Variants in ZNF469 observed in about 807,000 individuals in gnomAD.
The protein encoded by ZNF469 is zinc finger protein 469.
ZNF469 carries 1 observed loss-of-function variant against 1.0 expected under a neutral mutation model. The observed-to-expected ratio is 1.00, with a 90% CI of 0.35 to 4.73. The LOEUF is 4.73. ZNF469 is among the 30% of genes most tolerant of loss of function. The pLI, the probability that ZNF469 is intolerant of heterozygous loss-of-function variation, is 0.16. For missense variants in ZNF469, 6,100 were observed against 5,356.3 expected, an observed-to-expected ratio of 1.14 and a Z score of -4.33; for synonymous variants, 2,703 against 2,363.4, an observed-to-expected ratio of 1.14 and a Z score of -4.17.
chr16:88,247,789 G>C, the ZNF469 span, among the ~76,000 whole-genome samples: 1 of 151,898 alleles, frequency 6.6e-6, no homozygotes, highest in Non-Finnish European at 1.5e-5. Flanking sequence ...GAGGGAGTGA[G>C]TAAATGAGTG....
intron 1 of ZNF469, among the ~76,000 whole-genome samples, chr16:88,423,770 T>A (rs1374601664): frequency 6.6e-6 from 1 of 152,188 alleles, no homozygotes; most frequent in African/African-American, 2.4e-5. Flanking sequence ...ACGGGGCTGC[T>A]TGAGTGCCCG....
At chr16:88,306,285 C>T in the ZNF469 span, among the ~76,000 whole-genome samples, 1 of 152,286 alleles carries the variant, frequency 6.6e-6, no homozygotes, top group African/African-American at 2.4e-5. Context: ...ATGGCAGGTG[C>T]TGTCCGCATC....
the ZNF469 span, among the ~76,000 whole-genome samples, chr16:88,360,518 C>G: frequency 7.1e-6 from 1 of 141,654 alleles, no homozygotes; most frequent in Admixed American, 7.0e-5. Flanking sequence ...AGTCCACCCC[C>G]AGACAGCGCC....
the ZNF469 span, chr16:88,194,349 CT>C: frequency 2.6e-5 from 4 of 152,356 alleles, no homozygotes; most frequent in African/African-American, 9.6e-5. Context: ...TGGGACACCC[CT>C]GAGCTTTGTC....
chr16:88,102,884 C>T, the ZNF469 span, among the ~76,000 whole-genome samples: 4 of 152,250 alleles, frequency 2.6e-5, no homozygotes, highest in East Asian at 5.8e-4. Context: ...TGTGGTGACA[C>T]GTGGCAGAAT....
chr16:88,296,404 G>A, the ZNF469 span, among the ~76,000 whole-genome samples: 1 of 150,904 alleles, frequency 6.6e-6, no homozygotes, highest in African/African-American at 2.4e-5. Context: ...AGACACATAT[G>A]TGCACACCCA....
the ZNF469 span, among the ~76,000 whole-genome samples, chr16:88,357,095 G>A: frequency 6.6e-6 from 1 of 152,220 alleles, no homozygotes; most frequent in Non-Finnish European, 1.5e-5. Flanking sequence ...CCTCTGACCC[G>A]GGCCGGGCTG....
chr16:88,341,685 G>A, the ZNF469 span, among the ~76,000 whole-genome samples: 10 of 152,194 alleles, frequency 6.6e-5, no homozygotes, highest in African/African-American at 1.2e-4. Flanking sequence ...TGCCATCTGC[G>A]GGGGCATGGA....
the ZNF469 span, among the ~76,000 whole-genome samples, chr16:88,375,140 A>G: frequency 1.3e-5 from 2 of 152,224 alleles, no homozygotes. Context: ...ATGAAATAGA[A>G]TTCATGACCA....
the ZNF469 span, among the ~76,000 whole-genome samples, chr16:88,353,620 A>G: frequency 6.6e-6 from 1 of 152,122 alleles, no homozygotes; most frequent in Non-Finnish European, 1.5e-5. Flanking sequence ...GCTTCAGAGC[A>G]TGCGCGCGTG....
the ZNF469 span, among the ~76,000 whole-genome samples, chr16:88,354,481 C>G: frequency 5.3e-5 from 8 of 152,168 alleles, no homozygotes; most frequent in African/African-American, 1.9e-4. Context: ...TGTTTGGCCA[C>G]TTACTAGTCC....
chr16:88,240,094 C>G, the ZNF469 span, among the ~76,000 whole-genome samples: 1 of 150,778 alleles, frequency 6.6e-6, no homozygotes, highest in Non-Finnish European at 1.5e-5. Context: ...TGGTGACTGA[C>G]CCTGAGCCGG....
chr16:88,212,756 A>AT, the ZNF469 span, among the ~76,000 whole-genome samples: 27 of 151,694 alleles, frequency 1.8e-4, no homozygotes, highest in Non-Finnish European at 2.5e-4. Flanking sequence ...AATTTTTGTA[A>AT]TTTTTTTTGT....
At chr16:88,264,827 C>T in the ZNF469 span, among the ~76,000 whole-genome samples, 3 of 152,138 alleles carry the variant, frequency 2.0e-5, no homozygotes, top group Non-Finnish European at 4.4e-5. Flanking sequence ...CGCACCCTCG[C>T]GCCAGGCACA....
the ZNF469 span, among the ~76,000 whole-genome samples, chr16:88,297,507 GTC>G: frequency 6.6e-6 from 1 of 152,218 alleles, no homozygotes; most frequent in Non-Finnish European, 1.5e-5. Context: ...CTGCCGCTGA[GTC>G]TCTCACAGCC....
At position 88,435,504 on chromosome 16, in the gene ZNF469, C is replaced by A; in HGVS notation, c.8034C>A (p.Cys2678Ter). Residue 2678 changes from cysteine (C) to a stop codon, truncating the protein, a stop_gained, in exon 3 of 3, where the codon TGC becomes TGA. Coordinates refer to ENST00000565624, the MANE Select transcript of ZNF469 (RefSeq NM_001367624.2). LOFTEE classifies it low-confidence loss of function (END_TRUNC). ...GTTACGCAGCCTCTCCGAGCCACTG[C>A]CTCTCTGTGGAAGGAGGGCCTGAGG... ...MASYAASPSH[C>*]LSVEGGPEAD... 6.5e-7 allele frequency: 1 copy of A among 1,549,380 alleles called. No individual in the cohort carries two copies. The highest frequency in any genetic ancestry group is 8.7e-7 in the Non-Finnish European group (1 of 1,146,988).
the ZNF469 span, among the ~76,000 whole-genome samples, chr16:88,109,522 C>A: frequency 6.6e-6 from 1 of 151,966 alleles, no homozygotes; most frequent in Non-Finnish European, 1.5e-5. Context: ...TGTGTCCACG[C>A]TGTCTCCTCC....
the ZNF469 span, among the ~76,000 whole-genome samples, chr16:88,217,548 G>A: frequency 4.9e-5 from 7 of 141,768 alleles, no homozygotes; most frequent in South Asian, 2.5e-4. Flanking sequence ...CCACTAACTC[G>A]TCATCTAGCA....
chr16:88,397,232 G>C (rs762703134), intron 1 of ZNF469, among the ~76,000 whole-genome samples: 1 of 152,240 alleles, frequency 6.6e-6, no homozygotes, highest in African/African-American at 2.4e-5. Context: ...TCTCATTGGC[G>C]GACCCGGTGC....
Sources: gnomAD v4.1 joint callset for allele counts (sites outside exome capture counted in the v4.1 genomes callset) on GRCh38, gnomAD v4.1.1 for gene constraint, MANE v1.5 for transcripts, NCBI Gene and HGNC (gene_info 2026-07-23, HGNC 2026-07-21) for gene names.